Variants in CLSTN2 observed in about 807,000 individuals in gnomAD.
CLSTN2 encodes calsyntenin-2.
CLSTN2 carries 48 observed loss-of-function variants against 101.2 expected under a neutral mutation model. The observed-to-expected ratio is 0.47, with a 90% CI of 0.38 to 0.60. The LOEUF (loss-of-function observed/expected upper bound fraction) is 0.60. Among genes scored for constraint, CLSTN2 ranks in the 20% least tolerant of loss-of-function variants. The pLI, the probability that CLSTN2 is intolerant of heterozygous loss-of-function variation, is 0.00. For synonymous variants in CLSTN2, 481 were observed against 463.6 expected (o/e 1.04, Z -0.48); for missense variants, 1,160 against 1,238.2 (o/e 0.94, Z 0.95).
intron 9 of CLSTN2, among the ~76,000 whole-genome samples, chr3:140,539,622 T>C (rs1284599312): frequency 6.6e-6 from 1 of 152,184 alleles, no homozygotes; most frequent in Non-Finnish European, 1.5e-5. Context: ...ATCCTGGGGT[T>C]TCTTGGCACC....
At chr3:140,319,195 A>G (rs1207714300) in intron 2 of CLSTN2, among the ~76,000 whole-genome samples, 1 of 152,184 alleles carries the variant, frequency 6.6e-6, no homozygotes, top group Non-Finnish European at 1.5e-5. Flanking sequence ...TTTGGAATTA[A>G]GAAAATGTCT....
chr3:139,975,148 AC>A (rs34227945), intron 1 of CLSTN2, among the ~76,000 whole-genome samples: 1 of 152,160 alleles, frequency 6.6e-6, no homozygotes, highest in Non-Finnish European at 1.5e-5. Context: ...GGTAACCTCC[AC>A]CCTGGGCCTT....
intron 2 of CLSTN2, among the ~76,000 whole-genome samples, chr3:140,303,394 A>T (rs1239302469): frequency 6.6e-6 from 1 of 152,170 alleles, no homozygotes; most frequent in Admixed American, 6.5e-5. Flanking sequence ...AGGAAAGGTC[A>T]GACTCTAGTC....
chr3:140,576,054 C>G lies in CLSTN2; in HGVS notation c.*9801C>G, dbSNP rs1054118626. On this transcript the variant is annotated 3_prime_UTR_variant, in exon 17 of 17. Transcript: ENST00000458420. ...TGGAAATTGAAGACCCAGCTTATCA[C>G]TCCTTCATAGAGACTCAGTAGTATG... 2 of 152,196 alleles carry G rather than the reference C, an allele frequency of 1.3e-5. No individual in the cohort carries two copies. The highest frequency in any genetic ancestry group is 4.8e-5 in the African/African-American group (2 of 41,434). The allele number at this position is 152,196 out of a possible 1,614,324, so 9.4% of individuals were successfully genotyped here.
chr3:139,987,632 A>T (rs1936048550), intron 1 of CLSTN2, among the ~76,000 whole-genome samples: 1 of 152,238 alleles, frequency 6.6e-6, no homozygotes, highest in Non-Finnish European at 1.5e-5. Flanking sequence ...TTTTTCTGTC[A>T]ATCAACAAAC....
chr3:139,960,373 TTC>T (rs941406426), intron 1 of CLSTN2, among the ~76,000 whole-genome samples: 5 of 152,208 alleles, frequency 3.3e-5, no homozygotes, highest in Non-Finnish European at 7.3e-5. Context: ...CCTCACTATA[TTC>T]TCTGTCTTGA....
In CLSTN2 at chr3:140,568,660, G is replaced by A. The variant is rs551093141; in HGVS notation, c.*2407G>A. On this transcript the variant is annotated 3_prime_UTR_variant, in exon 17 of 17. Coordinates refer to ENST00000458420, the MANE Select transcript of CLSTN2 (RefSeq NM_022131.3). ...CATATGCTTAAAACCCATTCTTTTT[G>A]AATTAGATTTTGATTTTAAATATTT... 26 of 152,252 alleles carry A rather than the reference G, an allele frequency of 1.7e-4. 1 individual carries two copies. Among genetic ancestry groups the A allele is most frequent in the African/African-American group, 5.1e-4 (21 of 41,550 alleles). 9.4% of individuals were successfully genotyped at this position (152,252 alleles called of 1,614,324 possible).
At position 140,562,130 on chromosome 3, in the gene CLSTN2, T is replaced by C; in HGVS notation, c.2042-8T>C. On this transcript the variant is annotated splice_polypyrimidine_tract_variant and splice_region_variant and intron_variant, in intron 12 of 16. Transcript: ENST00000458420. Reference sequence around the variant, plus strand: ...ATGCCTGCATTTCCCATGTCTGTCTTCCTACAGACCCCAAATCAGAAGTCT... The same window carrying C: ...ATGCCTGCATTTCCCATGTCTGTCTCCCTACAGACCCCAAATCAGAAGTCT... 1 of 1,613,128 alleles carries C rather than the reference T, an allele frequency of 6.2e-7. No individual in the cohort carries two copies. The highest frequency in any genetic ancestry group is 8.5e-7 in the Non-Finnish European group (1 of 1,179,344).
At chr3:140,350,962 T>C (rs1426258204) in intron 2 of CLSTN2, among the ~76,000 whole-genome samples, 1 of 152,156 alleles carries the variant, frequency 6.6e-6, no homozygotes, top group Non-Finnish European at 1.5e-5. Context: ...ATTTATTCCT[T>C]GTTTGCTCAG....
At chr3:140,455,672 C>T (rs767163202) in intron 6 of CLSTN2, among the ~76,000 whole-genome samples, 3 of 152,204 alleles carry the variant, frequency 2.0e-5, no homozygotes, top group Admixed American at 1.3e-4. Context: ...ATCTTAAATA[C>T]ACCCTGATGT....
intron 1 of CLSTN2, among the ~76,000 whole-genome samples, chr3:139,962,042 T>A (rs1223598497): frequency 6.6e-6 from 1 of 152,158 alleles, no homozygotes; most frequent in African/African-American, 2.4e-5. Context: ...GAGCAGGATT[T>A]TTTTGGTCAG....
intron 6 of CLSTN2, among the ~76,000 whole-genome samples, chr3:140,450,727 TACAC>T (rs1291034740): frequency 6.6e-6 from 1 of 151,284 alleles, no homozygotes; most frequent in Non-Finnish European, 1.5e-5. Context: ...CACAAGCACA[TACAC>T]ACACATACAC....
chr3:139,982,888 G>A (rs986756398), intron 1 of CLSTN2, among the ~76,000 whole-genome samples: 5 of 151,628 alleles, frequency 3.3e-5, no homozygotes, highest in Admixed American at 6.6e-5. Context: ...GAGACCATAT[G>A]TATATTATAG....
chr3:140,234,147 T>C (rs1009767758), intron 2 of CLSTN2, among the ~76,000 whole-genome samples: 1 of 152,184 alleles, frequency 6.6e-6, no homozygotes, highest in African/African-American at 2.4e-5. Flanking sequence ...CGAGAAAGGG[T>C]CACGGTCACA....
At chr3:140,509,979 C>T (rs1934776334) in intron 8 of CLSTN2, among the ~76,000 whole-genome samples, 1 of 152,210 alleles carries the variant, frequency 6.6e-6, no homozygotes, top group East Asian at 1.9e-4. Flanking sequence ...GTATTTAATA[C>T]ACTTAAGCTA....
chr3:140,164,514 G>A (rs547519160), intron 1 of CLSTN2, among the ~76,000 whole-genome samples: 2 of 152,290 alleles, frequency 1.3e-5, no homozygotes, highest in South Asian at 4.1e-4. Flanking sequence ...GAGAGTGGAG[G>A]CCTGGGACGT....
In CLSTN2 at chr3:140,437,992, G is replaced by A. The variant is rs77646761; in HGVS notation, c.788-10527G>A. Reference sequence around the variant, plus strand: ...CTGACCCCCTCAGTGGCTGCATAACGTCCCCTTCTATAGGTGTATCCAAAT... The same window carrying A: ...CTGACCCCCTCAGTGGCTGCATAACATCCCCTTCTATAGGTGTATCCAAAT... On this transcript the variant is annotated intron_variant, in intron 5 of 16. Coordinates refer to ENST00000458420, the MANE Select transcript of CLSTN2 (RefSeq NM_022131.3). Among the ~76,000 whole-genome samples the A allele has an allele frequency of 5.6e-3, 853 of 152,074 alleles. 7 individuals are homozygous for A. Among genetic ancestry groups the A allele is most frequent in the African/African-American group, 0.02 (823 of 41,466 alleles).
chr3:140,560,862 C>T (rs1217407836), intron 12 of CLSTN2, among the ~76,000 whole-genome samples: 1 of 152,178 alleles, frequency 6.6e-6, no homozygotes, highest in Admixed American at 6.5e-5. Flanking sequence ...TAAAGATGCA[C>T]ATACAGCATT....
chr3:140,329,294 C>T (rs993086555), intron 2 of CLSTN2, among the ~76,000 whole-genome samples: 2 of 152,204 alleles, frequency 1.3e-5, no homozygotes, highest in Non-Finnish European at 2.9e-5. Flanking sequence ...GAAGGTGAGG[C>T]AGGAGAATCA....
Sources: gnomAD v4.1 joint callset for allele counts (sites outside exome capture counted in the v4.1 genomes callset) on GRCh38, gnomAD v4.1.1 for gene constraint, MANE v1.5 for transcripts, NCBI Gene and HGNC (gene_info 2026-07-23, HGNC 2026-07-21) for gene names.